FER: variants seen among roughly 807,000 people sequenced by gnomAD.
The protein encoded by FER is tyrosine-protein kinase Fer.
A neutral mutation model predicts 111.0 loss-of-function variants in FER; 63 were observed. The ratio of observed to expected loss-of-function variants is 0.57; its 90% confidence interval spans 0.46 to 0.70. The LOEUF (loss-of-function observed/expected upper bound fraction) is 0.70. FER is among the 30% of genes least tolerant of loss of function. The pLI is 0.00. For synonymous variants in FER, 327 were observed against 313.9 expected (o/e 1.04, Z -0.44); for missense variants, 914 against 954.0 (o/e 0.96, Z 0.55).
chr5:108,868,499 C>A (rs1377982271), intron 6 of FER, among the ~76,000 whole-genome samples: 1 of 152,072 alleles, frequency 6.6e-6, no homozygotes, highest in Non-Finnish European at 1.5e-5. Flanking sequence ...ACATGTTTAT[C>A]ACACACACTG....
intron 10 of FER, among the ~76,000 whole-genome samples, chr5:108,935,157 G>A (rs769640710): frequency 1.8e-4 from 28 of 152,012 alleles, no homozygotes; most frequent in Non-Finnish European, 3.8e-4. Flanking sequence ...CCACAAATTT[G>A]GTGGCTGAAA....
At chr5:108,815,893 A>G (rs911312378) in intron 3 of FER, among the ~76,000 whole-genome samples, 3 of 152,206 alleles carry the variant, frequency 2.0e-5, no homozygotes, top group Admixed American at 6.5e-5. Context: ...AAGCCTGGCT[A>G]TAGAGCCACT....
At chr5:109,064,600 A>T (rs949308420) in intron 16 of FER, among the ~76,000 whole-genome samples, 1 of 152,146 alleles carries the variant, frequency 6.6e-6, no homozygotes, top group Admixed American at 6.6e-5. Context: ...CCATAGATGC[A>T]TTATGTATGT....
intron 17 of FER, among the ~76,000 whole-genome samples, chr5:109,119,641 T>G (rs959303073): frequency 6.6e-6 from 1 of 152,122 alleles, no homozygotes; most frequent in Non-Finnish European, 1.5e-5. Context: ...TGTGTGGGAG[T>G]CTAAGTCTCT....
chr5:108,950,458 A>C (rs947144100), intron 11 of FER, among the ~76,000 whole-genome samples: 1 of 152,134 alleles, frequency 6.6e-6, no homozygotes, highest in Admixed American at 6.6e-5. Flanking sequence ...ATACCAGTGC[A>C]TGAAAAAACT....
At chr5:109,047,306 G>T in intron 16 of FER, 108 bp downstream of exon 16, 1 of 625,880 alleles carries the variant, frequency 1.6e-6, no homozygotes. Flanking sequence ...CAAGGATTTT[G>T]TTTAACATTT....
intron 9 of FER, among the ~76,000 whole-genome samples, chr5:108,888,358 G>A (rs1052536774): frequency 6.6e-6 from 1 of 151,870 alleles, no homozygotes; most frequent in African/African-American, 2.4e-5. Context: ...ACACTTTTGT[G>A]GAGGAAACCA....
At chr5:108,910,273 A>T (rs558392669) in intron 10 of FER, among the ~76,000 whole-genome samples, 1 of 152,320 alleles carries the variant, frequency 6.6e-6, no homozygotes, top group Admixed American at 6.5e-5. Flanking sequence ...CATCATCTAC[A>T]GTGGCTTCCT....
At chr5:109,158,186 C>T (rs1245361287) in intron 17 of FER, among the ~76,000 whole-genome samples, 2 of 151,962 alleles carry the variant, frequency 1.3e-5, no homozygotes, top group African/African-American at 4.8e-5. Context: ...AGAGACCAGC[C>T]TGGGCAACAT....
chr5:108,898,398 C>G (rs1333006731), intron 10 of FER, among the ~76,000 whole-genome samples: 1 of 151,994 alleles, frequency 6.6e-6, no homozygotes, highest in African/African-American at 2.4e-5. Context: ...AGTATAAAGT[C>G]TTTCTTCTTC....
intron 16 of FER, among the ~76,000 whole-genome samples, chr5:109,049,675 C>A (rs1221520490): frequency 6.6e-6 from 1 of 152,022 alleles, no homozygotes; most frequent in Non-Finnish European, 1.5e-5. Flanking sequence ...CTGAACATGA[C>A]CATAGTTTAA....
chr5:108,985,882 G>C (rs1214729079), intron 13 of FER, among the ~76,000 whole-genome samples: 1 of 152,128 alleles, frequency 6.6e-6, no homozygotes, highest in African/African-American at 2.4e-5. Context: ...ATTGCAAATT[G>C]TGCTCCTGTA....
intron 13 of FER, among the ~76,000 whole-genome samples, chr5:108,961,775 T>C (rs1370935984): frequency 2.0e-5 from 3 of 152,206 alleles, no homozygotes; most frequent in Admixed American, 6.5e-5. Flanking sequence ...CAAATTGATA[T>C]GGATTTGTTA....
intron 16 of FER, among the ~76,000 whole-genome samples, chr5:109,093,912 T>G (rs1315897277): frequency 2.0e-5 from 3 of 152,290 alleles, no homozygotes; most frequent in Non-Finnish European, 2.9e-5. Context: ...GACTTTCCTT[T>G]TTTTTCATTC....
At position 108,813,135 on chromosome 5, in the gene FER, G is replaced by A. The variant is rs192714585; in HGVS notation, c.207+14746G>A. Among the ~76,000 whole-genome samples, 218 of 152,076 alleles carry A rather than the reference G, an allele frequency of 1.4e-3. 2 individuals are homozygous for A. Among genetic ancestry groups the A allele is most frequent in the Non-Finnish European group, 2.4e-3 (165 of 67,930 alleles). ...AAAATTTTTTTTTAGGTTTGAAAGC[G>A]TAAAAATATCTTTATGGTGTCCTTT... On this transcript the variant is annotated intron_variant, in intron 3 of 19. Coordinates refer to ENST00000281092, the MANE Select transcript of FER (RefSeq NM_005246.4).
At chr5:108,972,199 A>C (rs1760750571) in intron 13 of FER, among the ~76,000 whole-genome samples, 1 of 151,884 alleles carries the variant, frequency 6.6e-6, no homozygotes. Context: ...GCAGAAGAAA[A>C]GTGGTTATCA....
rs889325398 is a variant in FER at position 108,947,733 on chromosome 5, C to CA, written c.1329+1520dup. Among the ~76,000 whole-genome samples the CA allele has an allele frequency of 1.6e-4, 24 of 148,862 alleles. 1 individual carries two copies. The highest frequency in any genetic ancestry group is 6.0e-4 in the Admixed American group (9 of 14,982). The stretch of plus-strand genomic sequence containing the variant: ...CTTGACTGTGTGTGCTTTTGGTTGT[C>CA]AAAAAAAAATCGTCTAATCCAAGAT... On this transcript the variant is annotated intron_variant, in intron 11 of 19. Transcript: ENST00000281092.
intron 13 of FER, among the ~76,000 whole-genome samples, chr5:109,031,787 G>A (rs1581725741): frequency 6.6e-6 from 1 of 152,000 alleles, no homozygotes; most frequent in African/African-American, 2.4e-5. Context: ...CCTGTTTTTT[G>A]AGACTTCTTC....
intron 9 of FER, among the ~76,000 whole-genome samples, chr5:108,894,006 T>G (rs1581090909): frequency 6.6e-6 from 1 of 151,188 alleles, no homozygotes; most frequent in African/African-American, 2.4e-5. Context: ...ATAAATTTTA[T>G]TCCTGATGTG....
Sources: allele counts gnomAD v4.1 joint callset (sites outside exome capture counted in the v4.1 genomes callset), GRCh38; gene constraint gnomAD v4.1.1; transcripts MANE v1.5; gene names NCBI Gene and HGNC (gene_info 2026-07-23, HGNC 2026-07-21).